Variants in CARMIL1 observed in about 807,000 individuals in gnomAD.
The protein encoded by CARMIL1 is F-actin-uncapping protein LRRC16A.
A neutral mutation model predicts 177.1 loss-of-function variants in CARMIL1; 90 were observed. The observed-to-expected ratio is 0.51, with a 90% CI of 0.43 to 0.61. The LOEUF is 0.61. CARMIL1 is among the 20% of genes least tolerant of loss of function. CARMIL1 has a pLI of 0.00. For synonymous variants in CARMIL1, 577 were observed against 606.2 expected (o/e 0.95, Z 0.71); for missense variants, 1,380 against 1,667.0 (o/e 0.83, Z 3.00).
rs553074282 is a variant in CARMIL1, at chr6:25,535,779, CTG to C, written c.2068-2072_2068-2071del. 3.9e-4 allele frequency among the ~76,000 whole-genome samples: 60 copies of C among 152,272 alleles called. No individual in the cohort carries two copies. In the South Asian group the frequency reaches 0.012, roughly 30 times the overall value. On this transcript the variant is annotated intron_variant, in intron 24 of 36. Transcript: ENST00000329474. ...TTTTTCAAAATTTTCAATCTGTACT[CTG>C]TGTAATCATTGCATGTCATCTTAAA... is the stretch of plus-strand genomic sequence containing the variant.
chr6:25,618,373 C>T (rs567184799), intron 36 of CARMIL1, among the ~76,000 whole-genome samples: 13 of 152,124 alleles, frequency 8.5e-5, no homozygotes, highest in African/African-American at 2.4e-4. Context: ...TTGGAACTTC[C>T]GAGTGATGAG....
At chr6:25,584,014 T>C (rs1813384931) in intron 31 of CARMIL1, among the ~76,000 whole-genome samples, 2 of 150,108 alleles carry the variant, frequency 1.3e-5, no homozygotes, top group Middle Eastern at 3.4e-3. Context: ...TTTTATCTTT[T>C]CTTTTCTTTT....
At chr6:25,494,031 A>T (rs1289738032) in intron 15 of CARMIL1, among the ~76,000 whole-genome samples, 1 of 150,276 alleles carries the variant, frequency 6.7e-6, no homozygotes, top group Non-Finnish European at 1.5e-5. Context: ...TTAAAACTTT[A>T]AAAAAAAACC....
At chr6:25,446,415 G>T (rs929209532) in intron 5 of CARMIL1, among the ~76,000 whole-genome samples, 1 of 152,140 alleles carries the variant, frequency 6.6e-6, no homozygotes, top group Non-Finnish European at 1.5e-5. Flanking sequence ...GTACTTTTAC[G>T]TTATGGAGAC....
chr6:25,483,690 A>G (rs1802343274), intron 12 of CARMIL1, among the ~76,000 whole-genome samples: 1 of 151,774 alleles, frequency 6.6e-6, no homozygotes, highest in South Asian at 2.1e-4. Flanking sequence ...TCAAAAAAAA[A>G]AAAAAAAAAA....
intron 8 of CARMIL1, among the ~76,000 whole-genome samples, chr6:25,460,454 G>A (rs1800024958): frequency 2.0e-5 from 3 of 152,138 alleles, no homozygotes; most frequent in Admixed American, 2.0e-4. Flanking sequence ...TGGTCTTCAT[G>A]TTTGTTCTGG....
chr6:25,498,593 C>T, intron 16 of CARMIL1, among the ~76,000 whole-genome samples: 1 of 152,068 alleles, frequency 6.6e-6, no homozygotes, highest in East Asian at 1.9e-4. Context: ...CATAAAAATG[C>T]AATGTTGAAA....
chr6:25,546,564 G>T (rs892537635), intron 26 of CARMIL1, among the ~76,000 whole-genome samples: 1 of 151,094 alleles, frequency 6.6e-6, no homozygotes, highest in Non-Finnish European at 1.5e-5. Flanking sequence ...GCTGGACATG[G>T]TGGCCCATAC....
chr6:25,302,991 C>A (rs1782980260), intron 2 of CARMIL1, among the ~76,000 whole-genome samples: 1 of 152,126 alleles, frequency 6.6e-6, no homozygotes, highest in Non-Finnish European at 1.5e-5. Flanking sequence ...AAATGAGCTG[C>A]CTCTCTTGTT....
intron 2 of CARMIL1, among the ~76,000 whole-genome samples, chr6:25,394,061 C>A (rs1164811516): frequency 6.6e-6 from 1 of 151,786 alleles, no homozygotes; most frequent in Non-Finnish European, 1.5e-5. Context: ...AAGTGAGCAC[C>A]CACATACCAC....
Position 25,486,452 on chromosome 6 carries a change from A to G in CARMIL1, c.962-2030A>G, listed in dbSNP as rs138425843. On this transcript the variant is annotated intron_variant, in intron 12 of 36. Coordinates refer to ENST00000329474, the MANE Select transcript of CARMIL1 (RefSeq NM_017640.6). ...AGCCTTCTATTTTGGGAATTTATTTATTGAGTTTTGTTATACCTCACTAAG... is the reference window on the plus strand; with the variant it reads ...AGCCTTCTATTTTGGGAATTTATTTGTTGAGTTTTGTTATACCTCACTAAG... Among the ~76,000 whole-genome samples, 9 of 152,248 alleles carry G rather than the reference A, an allele frequency of 5.9e-5. No homozygotes were observed. In the East Asian group the frequency reaches 1.5e-3, roughly 26 times the overall value.
At chr6:25,407,070 G>A (rs1159494708) in intron 2 of CARMIL1, among the ~76,000 whole-genome samples, 3 of 152,138 alleles carry the variant, frequency 2.0e-5, no homozygotes, top group Non-Finnish European at 4.4e-5. Flanking sequence ...TAGCAGCCGT[G>A]AGGTTGGATT....
chr6:25,420,215 C>CT (rs1167332545), intron 3 of CARMIL1, 51 bp downstream of exon 3: 7 of 1,540,696 alleles, frequency 4.5e-6, no homozygotes, highest in Non-Finnish European at 6.3e-6. Flanking sequence ...CTCATACCCA[C>CT]TCATGCATAG....
At chr6:25,422,555 A>G (rs1045503506) in intron 3 of CARMIL1, among the ~76,000 whole-genome samples, 7 of 152,150 alleles carry the variant, frequency 4.6e-5, no homozygotes, top group Non-Finnish European at 8.8e-5. Flanking sequence ...TTTAGATAAT[A>G]TAAAATGAGC....
At chr6:25,399,365 C>T (rs749731314) in intron 2 of CARMIL1, among the ~76,000 whole-genome samples, 8 of 152,150 alleles carry the variant, frequency 5.3e-5, no homozygotes, top group Non-Finnish European at 1.2e-4. Flanking sequence ...TTAGAGAAGA[C>T]CCTCAACAGC....
At chr6:25,304,432 C>G (rs75899024) in intron 2 of CARMIL1, among the ~76,000 whole-genome samples, 1 of 152,098 alleles carries the variant, frequency 6.6e-6, no homozygotes, top group South Asian at 2.1e-4. Context: ...TTCCACAGAC[C>G]GAGTGGGTAG....
intron 24 of CARMIL1, among the ~76,000 whole-genome samples, chr6:25,533,182 T>C (rs1688599443): frequency 6.6e-6 from 1 of 152,228 alleles, no homozygotes; most frequent in African/African-American, 2.4e-5. Flanking sequence ...TTGCAACCTT[T>C]TGAAACATGG....
rs1479268773 is a variant in CARMIL1 at position 25,491,998 on chromosome 6, C to T, written c.1194C>T (p.Asn398=). 3.7e-6 allele frequency: 6 copies of T among 1,613,622 alleles called. No individual in the cohort carries two copies. Among genetic ancestry groups the T allele is most frequent in the Non-Finnish European group, 5.1e-6 (6 of 1,179,704 alleles). Residue 398 remains asparagine, a synonymous_variant, in exon 15 of 37, where the codon AAC becomes AAT. Coordinates refer to ENST00000329474, the MANE Select transcript of CARMIL1 (RefSeq NM_017640.6). ...GCCTTCAATATTTAGCTGTGCTCAA[C>T]CTCTCCAGAACTGTCTTCTCTCACC... is the stretch of plus-strand genomic sequence containing the variant. The part of the protein sequence containing the change: ...RGCLQYLAVL[N]LSRTVFSHRK...
intron 16 of CARMIL1, among the ~76,000 whole-genome samples, chr6:25,499,452 A>C (rs1216023895): frequency 6.6e-6 from 1 of 152,222 alleles, no homozygotes; most frequent in Non-Finnish European, 1.5e-5. Context: ...TTCTGTTTCA[A>C]GCTTGCTTGA....
Sources: gnomAD v4.1 joint callset for allele counts (sites outside exome capture counted in the v4.1 genomes callset) on GRCh38, gnomAD v4.1.1 for gene constraint, MANE v1.5 for transcripts, NCBI Gene and HGNC (gene_info 2026-07-23, HGNC 2026-07-21) for gene names.